Variants in NFIB observed in about 807,000 individuals in gnomAD.
NFIB encodes nuclear factor I B.
Under a neutral mutation model 61.5 loss-of-function variants are expected in NFIB, and 11 were observed. The ratio of observed to expected loss-of-function variants is 0.18; its 90% CI spans 0.11 to 0.30. The LOEUF is 0.30. Ranked by LOEUF, NFIB falls within the 10% of genes least tolerant of loss-of-function variation. The pLI, the probability that NFIB is intolerant of heterozygous loss-of-function variation, is 1.00. For missense variants in NFIB, 471 were observed against 608.9 expected, an observed-to-expected ratio of 0.77 and a Z score of 2.38; for synonymous variants, 260 against 216.5, an observed-to-expected ratio of 1.20 and a Z score of -1.76.
intron 2 of NFIB, among the ~76,000 whole-genome samples, chr9:14,272,799 G>A (rs907301246): frequency 2.6e-4 from 39 of 150,980 alleles, no homozygotes; most frequent in African/African-American, 9.0e-4. Flanking sequence ...ATCCTTTGAG[G>A]TTTAATATAT....
chr9:14,383,325 C>T (rs1276357809), intron 1 of NFIB, among the ~76,000 whole-genome samples: 1 of 152,142 alleles, frequency 6.6e-6, no homozygotes, highest in Non-Finnish European at 1.5e-5. Context: ...TCCTAGTACA[C>T]TATTGATTAT....
At chr9:14,430,186 G>T in the NFIB span, among the ~76,000 whole-genome samples, 1 of 152,150 alleles carries the variant, frequency 6.6e-6, no homozygotes, top group East Asian at 1.9e-4. Flanking sequence ...AGCATATGTA[G>T]TTCTGAATTT....
At chr9:14,225,388 C>T (rs1207847616) in intron 2 of NFIB, among the ~76,000 whole-genome samples, 2 of 137,674 alleles carry the variant, frequency 1.5e-5, no homozygotes. Flanking sequence ...ACCCGGGAGG[C>T]GGAGCTTGCA....
At chr9:14,457,265 C>T in the NFIB span, among the ~76,000 whole-genome samples, 141,736 of 152,298 alleles carry the variant, frequency 0.93, 66,076 homozygotes, top group African/African-American at 0.98. Context: ...GCATAGCCTT[C>T]GCACATTTTG....
intron 2 of NFIB, among the ~76,000 whole-genome samples, chr9:14,195,833 G>C (rs1298503573): frequency 6.6e-6 from 1 of 151,948 alleles, no homozygotes; most frequent in African/African-American, 2.4e-5. Context: ...ATAGACAAAG[G>C]AATCTAGTAA....
At chr9:14,295,236 A>G (rs1455059983) in intron 2 of NFIB, among the ~76,000 whole-genome samples, 1 of 152,224 alleles carries the variant, frequency 6.6e-6, no homozygotes, top group Admixed American at 6.5e-5. Context: ...AACTGATTAA[A>G]CGGTTTGAGG....
rs183059414 is a variant in NFIB at position 14,131,857 on chromosome 9, T to A, written c.926-6091A>T. On this transcript the variant is annotated intron_variant, in intron 6 of 10. Coordinates refer to ENST00000380953, the MANE Select transcript of NFIB (RefSeq NM_001190737.2). Reference sequence around the variant, plus strand: ...TTAGCCACCTGTTAGTAGAACTTCATTGAAGTCAACTAGTGATCTAGGGCA... The same window carrying A: ...TTAGCCACCTGTTAGTAGAACTTCAATGAAGTCAACTAGTGATCTAGGGCA... Among the ~76,000 whole-genome samples, 16 of 152,272 alleles carry A rather than the reference T, an allele frequency of 1.1e-4. No homozygotes were observed. In the East Asian group the frequency reaches 2.9e-3, roughly 28 times the overall value.
At chr9:14,528,537 C>A in the NFIB span, among the ~76,000 whole-genome samples, 2 of 152,122 alleles carry the variant, frequency 1.3e-5, no homozygotes, top group Non-Finnish European at 2.9e-5. Flanking sequence ...GTTGCATAGA[C>A]TGGCAAATTA....
At chr9:14,197,759 G>A (rs185109295) in intron 2 of NFIB, among the ~76,000 whole-genome samples, 1 of 152,158 alleles carries the variant, frequency 6.6e-6, no homozygotes, top group Non-Finnish European at 1.5e-5. Flanking sequence ...CCCTGAGGCT[G>A]CAGCGCTTTA....
At chr9:14,200,591 A>C (rs2048927004) in intron 2 of NFIB, among the ~76,000 whole-genome samples, 1 of 151,974 alleles carries the variant, frequency 6.6e-6, no homozygotes, top group South Asian at 2.1e-4. Flanking sequence ...AAGTATCCCT[A>C]GCTTTTGGAA....
At chr9:14,143,046 A>C (rs1279826444) in intron 6 of NFIB, among the ~76,000 whole-genome samples, 4 of 152,094 alleles carry the variant, frequency 2.6e-5, no homozygotes, top group Non-Finnish European at 5.9e-5. Flanking sequence ...TATTCATCAG[A>C]AGAAGCAAAT....
chr9:14,455,814 T>G, the NFIB span, among the ~76,000 whole-genome samples: 9,406 of 152,224 alleles, frequency 0.062, 349 homozygotes, highest in Middle Eastern at 0.12. Context: ...TGGAAAAATT[T>G]TTTAAAAAGA....
chr9:14,344,275 AG>A (rs1030548941), intron 1 of NFIB, among the ~76,000 whole-genome samples: 1 of 151,370 alleles, frequency 6.6e-6, no homozygotes, highest in Non-Finnish European at 1.5e-5. Context: ...GGGCCGAGAG[AG>A]GGGGGTGATG....
At position 14,159,282 on chromosome 9, in the gene NFIB, T is replaced by C. The variant is rs1417285396; in HGVS notation, c.617-3389A>G. On this transcript the variant is annotated intron_variant, in intron 3 of 10. Transcript: ENST00000380953. ...CCCCAACTTCCCAGGTTCTAAGAAA[T>C]TGGAATCTACGGAAACAATGGAAAG... is the stretch of plus-strand genomic sequence containing the variant. Among the ~76,000 whole-genome samples, 5 of 152,120 alleles carry C rather than the reference T, an allele frequency of 3.3e-5. No homozygotes were observed. In the East Asian group the frequency reaches 5.8e-4, roughly 18 times the overall value.
chr9:14,438,758 G>T, the NFIB span, among the ~76,000 whole-genome samples: 1 of 152,250 alleles, frequency 6.6e-6, no homozygotes, highest in South Asian at 2.1e-4. Context: ...GTGAGCGGGG[G>T]CTGATCCATT....
At chr9:14,350,723 G>A (rs1020010137) in intron 1 of NFIB, among the ~76,000 whole-genome samples, 1 of 152,112 alleles carries the variant, frequency 6.6e-6, no homozygotes, top group Non-Finnish European at 1.5e-5. Context: ...ATACCTTATG[G>A]GCGCTGATCG....
intron 7 of NFIB, among the ~76,000 whole-genome samples, chr9:14,121,087 A>C (rs2038870052): frequency 6.6e-6 from 1 of 152,134 alleles, no homozygotes; most frequent in Non-Finnish European, 1.5e-5. Context: ...ACATGGTGAA[A>C]CCCCATCGCT....
At chr9:14,343,831 G>A (rs531145392) in intron 1 of NFIB, among the ~76,000 whole-genome samples, 3 of 127,984 alleles carry the variant, frequency 2.3e-5, no homozygotes, top group African/African-American at 4.1e-5. Context: ...ACAAGGGGGG[G>A]TCGGGGGGGG....
chr9:14,506,499 G>GA, the NFIB span, among the ~76,000 whole-genome samples: 2 of 152,116 alleles, frequency 1.3e-5, no homozygotes, highest in African/African-American at 4.8e-5. Flanking sequence ...GAATTCCAGA[G>GA]ATGGTAAAAT....
Sources: gnomAD v4.1 joint callset for allele counts (sites outside exome capture counted in the v4.1 genomes callset) on GRCh38, gnomAD v4.1.1 for gene constraint, MANE v1.5 for transcripts, NCBI Gene and HGNC (gene_info 2026-07-23, HGNC 2026-07-21) for gene names.